Variants in IDO2 observed in about 807,000 individuals in gnomAD.
The protein encoded by IDO2 is indoleamine 2,3-dioxygenase-like 1 protein.
A neutral mutation model predicts 45.1 loss-of-function variants in IDO2; 46 were observed. The observed-to-expected ratio is 1.02, with a 90% CI of 0.80 to 1.30. The LOEUF (loss-of-function observed/expected upper bound fraction) is 1.30. Ranked by LOEUF, IDO2 falls within the 50% of genes most tolerant of loss-of-function variation. The probability of loss-of-function intolerance (pLI) is 0.00; values close to 1 mark genes in which losing one functional copy is unlikely to be tolerated. For synonymous variants in IDO2, 218 were observed against 184.9 expected (o/e 1.18, Z -1.45); for missense variants, 544 against 491.8 (o/e 1.11, Z -1.00).
Position 39,984,370 on chromosome 8 carries a change from G to T in IDO2, c.435-1138G>T, listed in dbSNP as rs894746807. ...GGTGCCTGCAATCCCAGCTACTCAG[G>T]AGGCTGAGGCAGGAGAATCACTTGA... On this transcript the variant is annotated intron_variant, in intron 5 of 10. Transcript: ENST00000502986. Among the ~76,000 whole-genome samples the T allele has an allele frequency of 1.2e-4, 18 of 152,220 alleles. No individual in the cohort carries two copies. The South Asian group carries it at 3.7e-3, about 32-fold the overall frequency.
At position 39,937,524 on chromosome 8, in the gene IDO2, CT is replaced by C. The variant is rs72104971; in HGVS notation, c.-18+2320del. Among the ~76,000 whole-genome samples, 677 of 143,680 alleles carry C rather than the reference CT, an allele frequency of 4.7e-3. 3 individuals are homozygous for C. The highest frequency in any genetic ancestry group is 0.01 in the East Asian group (51 of 4,936). The allele number at this position is 143,680 out of a possible 152,430, so 94.3% of individuals were successfully genotyped here. A position where few individuals can be genotyped will look rare whatever the true frequency, so the allele number is the denominator to read the frequency against. On this transcript the variant is annotated intron_variant, in intron 1 of 10. Coordinates refer to ENST00000502986, the Ensembl canonical transcript of IDO2. ...ATTTAAAACTACACCAAAATATCTT[CT>C]TTTTTTTTTTTTTGAGACAAGGTGT...
At chr8:39,965,207 T>C (rs1009918735) in intron 3 of IDO2, among the ~76,000 whole-genome samples, 5 of 152,134 alleles carry the variant, frequency 3.3e-5, no homozygotes, top group African/African-American at 1.2e-4. Context: ...GGGTTTAGGC[T>C]GGGTGTGGTG....
At chr8:40,003,397 C>CAA (rs139330295) in intron 8 of IDO2, among the ~76,000 whole-genome samples, 79,596 of 143,824 alleles carry the variant, frequency 0.55, 22,364 homozygotes, top group Middle Eastern at 0.66. Flanking sequence ...AAAAAGAAAA[C>CAA]GAGAATATAT....
At chr8:40,001,992 G>C (rs1162194741) in intron 8 of IDO2, among the ~76,000 whole-genome samples, 1 of 151,836 alleles carries the variant, frequency 6.6e-6, no homozygotes, top group East Asian at 1.9e-4. Context: ...CATCATGTTG[G>C]CCAGGCTGGT....
intron 2 of IDO2, among the ~76,000 whole-genome samples, chr8:39,959,304 C>T (rs942314391): frequency 4.0e-5 from 6 of 150,754 alleles, no homozygotes; most frequent in South Asian, 2.1e-4. Flanking sequence ...TTAGGAGAGA[C>T]GGGGTTTCAC....
chr8:39,983,433 C>A (rs1486250635), intron 5 of IDO2, among the ~76,000 whole-genome samples: 1 of 152,168 alleles, frequency 6.6e-6, no homozygotes, highest in African/African-American at 2.4e-5. Flanking sequence ...TCTTTTGTGG[C>A]TGACTACAAC....
chr8:39,979,113 GCCTGGCCCA>G (rs763704843), exon 4 of IDO2: 1 of 1,602,070 alleles, frequency 6.2e-7, no homozygotes, highest in Non-Finnish European at 8.5e-7. Flanking sequence ...CGGGAGCAGC[GCCTGGCCCA>G]CCTGGTCCTG....
chr8:39,941,170 C>T lies in IDO2; in HGVS notation c.-18+5952C>T, dbSNP rs200130883. ...CTGGAAGGCAGAGGCTACAGTGAGC[C>T]GAGATCATGCCACTGCACTTCAGCC... On this transcript the variant is annotated intron_variant, in intron 1 of 10. Transcript: ENST00000502986. 6.1e-5 allele frequency among the ~76,000 whole-genome samples: 8 copies of T among 131,764 alleles called. No individual in the cohort carries two copies. In the East Asian group the frequency reaches 7.3e-4, roughly 12 times the overall value. The allele number at this position is 131,764 out of a possible 152,430, so 86.4% of individuals were successfully genotyped here.
At position 39,974,815 on chromosome 8, in the gene IDO2, G is replaced by A. The variant is rs28771114; in HGVS notation, c.196-4252G>A. Among the ~76,000 whole-genome samples the A allele has an allele frequency of 9.6e-3, 1,463 of 152,310 alleles. 26 individuals are homozygous for A. Among genetic ancestry groups the A allele is most frequent in the African/African-American group, 0.033 (1,369 of 41,562 alleles). ...ACGCACCTGTAGTCCCATCTACTTG[G>A]GAGGCTGAGGCAGGAGAATAGCTTG... On this transcript the variant is annotated intron_variant, in intron 3 of 10. Coordinates refer to ENST00000502986, the Ensembl canonical transcript of IDO2.
intron 3 of IDO2, among the ~76,000 whole-genome samples, chr8:39,975,306 T>A (rs1459506797): frequency 6.6e-6 from 1 of 151,916 alleles, no homozygotes; most frequent in Non-Finnish European, 1.5e-5. Flanking sequence ...ATACTTGATA[T>A]CCTTAAAACA....
exon 4 of IDO2, chr8:39,979,153 T>C (rs1360956981): frequency 3.7e-6 from 6 of 1,600,418 alleles, no homozygotes; most frequent in African/African-American, 1.3e-5. Flanking sequence ...CCATGGGTTA[T>C]GTCTGGCAGG....
At chr8:39,971,623 G>A (rs750153416) in intron 3 of IDO2, among the ~76,000 whole-genome samples, 26 of 152,162 alleles carry the variant, frequency 1.7e-4, no homozygotes, top group Non-Finnish European at 2.8e-4. Context: ...CATGATTCAT[G>A]GAGGACGTCA....
At chr8:40,016,363 T>G in exon 11 of IDO2, 1 of 391,220 alleles carries the variant, frequency 2.6e-6, no homozygotes, top group Middle Eastern at 6.5e-4. Context: ...ATGTGTTTAG[T>G]GTGCAAATAA....
At chr8:39,993,959 A>T (rs2129594925) in intron 8 of IDO2, among the ~76,000 whole-genome samples, 1 of 152,230 alleles carries the variant, frequency 6.6e-6, no homozygotes, top group Middle Eastern at 3.4e-3. Context: ...GTGAGCCTAG[A>T]TCCTGCCACT....
chr8:39,980,579 CAGGG>C (rs1305723956), intron 4 of IDO2, among the ~76,000 whole-genome samples: 1 of 152,070 alleles, frequency 6.6e-6, no homozygotes, highest in African/African-American at 2.4e-5. Context: ...CCCCAGAAAT[CAGGG>C]AGTTACCCAT....
Position 39,988,896 on chromosome 8 carries a change from G to A in IDO2, c.550-825G>A, listed in dbSNP as rs537410289. Among the ~76,000 whole-genome samples the A allele has an allele frequency of 2.0e-5, 3 of 152,166 alleles. No individual in the cohort carries two copies. In the South Asian group the frequency reaches 6.2e-4, roughly 31 times the overall value. Reference sequence around the variant, plus strand: ...ACAGAGTCAAATATCGGCCTTCCAAGTGTAGTTCAGATGAAGTAGAGACTC... The same window carrying A: ...ACAGAGTCAAATATCGGCCTTCCAAATGTAGTTCAGATGAAGTAGAGACTC... On this transcript the variant is annotated intron_variant, in intron 7 of 10. Transcript: ENST00000502986.
intron 1 of IDO2, among the ~76,000 whole-genome samples, chr8:39,941,041 T>A (rs1050239695): frequency 7.3e-5 from 11 of 149,912 alleles, no homozygotes; most frequent in Non-Finnish European, 1.6e-4. Flanking sequence ...GCCAACATGG[T>A]GAAACCCAAT....
chr8:40,006,302 A>G (rs1224760719), intron 9 of IDO2, among the ~76,000 whole-genome samples: 1 of 152,242 alleles, frequency 6.6e-6, no homozygotes, highest in Admixed American at 6.5e-5. Flanking sequence ...CAACATGTTG[A>G]CATAAATAAG....
chr8:39,977,986 A>G (rs1025066305), intron 3 of IDO2, among the ~76,000 whole-genome samples: 1 of 152,212 alleles, frequency 6.6e-6, no homozygotes, highest in African/African-American at 2.4e-5. Flanking sequence ...TTTTAAATGT[A>G]CAATGTTATT....
Sources: allele counts gnomAD v4.1 joint callset (sites outside exome capture counted in the v4.1 genomes callset), GRCh38; gene constraint gnomAD v4.1.1; transcripts MANE v1.5; gene names NCBI Gene and HGNC (gene_info 2026-07-23, HGNC 2026-07-21).